The following VAX1 variants were observed in gnomAD, a reference collection of about 807,000 sequenced individuals.
VAX1 encodes the protein ventral anterior homeobox 1.
Under a neutral mutation model 17.6 loss-of-function variants are expected in VAX1, and 6 were observed. The ratio of observed to expected loss-of-function variants is 0.34; its 90% CI spans 0.19 to 0.67. VAX1 has a LOEUF of 0.67. VAX1 is among the 30% of genes least tolerant of loss of function. The probability of loss-of-function intolerance (pLI) is 0.69; values close to 1 mark genes in which losing one functional copy is unlikely to be tolerated. For synonymous variants in VAX1, 256 were observed against 227.4 expected (o/e 1.13, Z -1.13); for missense variants, 408 against 463.7 (o/e 0.88, Z 1.10).
Position 117,134,313 on chromosome 10 carries a change from G to T in VAX1, c.700C>A (p.Pro234Thr). ...GSAAAAAAAA[P>T]GPAGAASPHP... ...GGGGATGCAGCGCCCGCTGGGCCCGGGGCGGCGGCGGCGGCTGCGGCGGCC... is the reference window on the plus strand; with the variant it reads ...GGGGATGCAGCGCCCGCTGGGCCCGTGGCGGCGGCGGCGGCTGCGGCGGCC... The change falls in exon 3 of 3, where the codon CCG (proline) becomes ACG (threonine). Residue 234 changes from proline (P) to threonine (T), a missense_variant. Physicochemically the swap from Pro to Thr is conservative, Grantham distance 38. Coordinates refer to ENST00000369206, the MANE Select transcript of VAX1 (RefSeq NM_001112704.2). The surrounding 1 kb of genome is among the most constrained non-coding windows in gnomAD (Gnocchi z 6.2). 1 of 1,071,512 alleles carries T rather than the reference G, an allele frequency of 9.3e-7. No homozygotes were observed. Among genetic ancestry groups the T allele is most frequent in the South Asian group, 4.4e-5 (1 of 22,928 alleles). 66.4% of individuals were successfully genotyped at this position (1,071,512 alleles called of 1,614,324 possible).
In VAX1 at chr10:117,136,425, G is replaced by A. The variant is rs898370903; in HGVS notation, c.429+47C>T. ...AAGAGCAGGCTAGGTAGGGGTGGTG[G>A]GGAGGAAGGCTGGTGCAGAACTGTG... is the stretch of plus-strand genomic sequence containing the variant. On this transcript the variant is annotated intron_variant, in intron 2 of 2. Coordinates refer to ENST00000369206, the MANE Select transcript of VAX1 (RefSeq NM_001112704.2). This position sits in a 1 kb window ranked among gnomAD's most constrained non-coding sequence, Gnocchi z 5.0. 4.4e-6 allele frequency: 7 copies of A among 1,606,074 alleles called. No individual in the cohort carries two copies. Among genetic ancestry groups the A allele is most frequent in the Admixed American group, 3.4e-5 (2 of 59,698 alleles).
chr10:117,133,853 A>G lies in VAX1; in HGVS notation c.*155T>C. On this transcript the variant is annotated 3_prime_UTR_variant, in exon 3 of 3. Transcript: ENST00000369206. ...AAAAAAAAATAGCCCGAATGAGATG[A>G]AATTGGTAGCAGAGTCTAGTGGGAA... 7.4e-7 allele frequency: 1 copy of G among 1,342,468 alleles called. No individual in the cohort carries two copies. The highest frequency in any genetic ancestry group is 9.5e-7 in the Non-Finnish European group (1 of 1,053,686). The allele number at this position is 1,342,468 out of a possible 1,614,324, so 83.2% of individuals were successfully genotyped here.
intron 2 of VAX1, among the ~76,000 whole-genome samples, chr10:117,135,716 C>T (rs1311342195): frequency 6.6e-6 from 1 of 152,218 alleles, no homozygotes; most frequent in African/African-American, 2.4e-5. Context: ...GTTCTTGGGT[C>T]CTCTCCTGGG....
downstream of VAX1, chr10:117,129,799 G>A (rs557195225): frequency 1.2e-4 from 19 of 152,126 alleles, 1 homozygote; most frequent in African/African-American, 4.1e-4. Context: ...AAGAGTGTAA[G>A]GGGTTTAAAG....
chr10:117,135,252 T>G (rs1471503596), intron 2 of VAX1, among the ~76,000 whole-genome samples: 3 of 152,246 alleles, frequency 2.0e-5, no homozygotes, highest in African/African-American at 7.2e-5. Context: ...GACCGAGATT[T>G]CTGCACCTCT....
Position 117,137,683 on chromosome 10 carries a change from CG to C in VAX1, c.241+132del. ...CGCTTGTCCCCAGCCGGACTCGGGGCGGGGAGGGCCAACAACTTTCTCCCAA... is the reference window on the plus strand; with the variant it reads ...CGCTTGTCCCCAGCCGGACTCGGGGCGGGAGGGCCAACAACTTTCTCCCAA... On this transcript the variant is annotated intron_variant, in intron 1 of 2. Coordinates refer to ENST00000369206, the MANE Select transcript of VAX1 (RefSeq NM_001112704.2). This position sits in a 1 kb window ranked among gnomAD's most constrained non-coding sequence, Gnocchi z 7.4. 6.4e-7 allele frequency: 1 copy of C among 1,553,740 alleles called. No individual in the cohort carries two copies. The highest frequency in any genetic ancestry group is 8.6e-7 in the Non-Finnish European group (1 of 1,160,230).
Position 117,136,443 on chromosome 10 carries a change from G to C in VAX1, c.429+29C>G. Reference sequence around the variant, plus strand: ...GGTGGTGGGGAGGAAGGCTGGTGCAGAACTGTGTGCGGCCTGGTCGCCGGG... The same window carrying C: ...GGTGGTGGGGAGGAAGGCTGGTGCACAACTGTGTGCGGCCTGGTCGCCGGG... On this transcript the variant is annotated intron_variant, in intron 2 of 2. Transcript: ENST00000369206. This position sits in a 1 kb window ranked among gnomAD's most constrained non-coding sequence, Gnocchi z 5.0. The C allele has an allele frequency of 6.2e-7, 1 of 1,611,144 alleles. No homozygotes were observed. Among genetic ancestry groups the C allele is most frequent in the South Asian group, 1.1e-5 (1 of 90,962 alleles).
chr10:117,136,687 G>T lies in VAX1; in HGVS notation c.242-28C>A. 1 of 1,593,352 alleles carries T rather than the reference G, an allele frequency of 6.3e-7. No homozygotes were observed. Among genetic ancestry groups the T allele is most frequent in the South Asian group, 1.1e-5 (1 of 89,890 alleles). ...GGGGAAGGGGAGATGTCAGCCGCCA[G>T]AACCCTCCCGTCCCCCTCCACCTCC... On this transcript the variant is annotated intron_variant, in intron 1 of 2. Transcript: ENST00000369206. This position sits in a 1 kb window ranked among gnomAD's most constrained non-coding sequence, Gnocchi z 5.0.
Position 117,136,054 on chromosome 10 carries a change from G to C in VAX1, c.429+418C>G, listed in dbSNP as rs1490796165. On this transcript the variant is annotated intron_variant, in intron 2 of 2. Coordinates refer to ENST00000369206, the MANE Select transcript of VAX1 (RefSeq NM_001112704.2). The surrounding 1 kb of genome is among the most constrained non-coding windows in gnomAD (Gnocchi z 5.0). ...AGCCTCACTCCTGTAGAATGGGCCTGGACGCTGAGTACAGCTGGGTGGGCC... is the reference window on the plus strand; with the variant it reads ...AGCCTCACTCCTGTAGAATGGGCCTCGACGCTGAGTACAGCTGGGTGGGCC... 6.6e-6 allele frequency among the ~76,000 whole-genome samples: 1 copy of C among 152,254 alleles called. No homozygotes were observed. Among genetic ancestry groups the C allele is most frequent in the Non-Finnish European group, 1.5e-5 (1 of 68,052 alleles).
At position 117,138,109 on chromosome 10, in the gene VAX1, AAGGGGG is replaced by A. The variant is rs1304987628; in HGVS notation, c.-59_-54del. On this transcript the variant is annotated 5_prime_UTR_variant, in exon 1 of 3. Coordinates refer to ENST00000369206, the MANE Select transcript of VAX1 (RefSeq NM_001112704.2). ...GGAAAAAAAAAGCAAAAAAAAAAAA[AAGGGGG>A]GGGGGCGGAGAAGGAAAAAAAAAAG... is the stretch of plus-strand genomic sequence containing the variant. 1 of 171,028 alleles carries A rather than the reference AAGGGGG, an allele frequency of 5.8e-6. No homozygotes were observed. The highest frequency in any genetic ancestry group is 9.9e-6 in the Non-Finnish European group (1 of 100,688). 10.6% of individuals were successfully genotyped at this position (171,028 alleles called of 1,614,324 possible). A position where few individuals can be genotyped will look rare whatever the true frequency, so the allele number is the denominator to read the frequency against.
At position 117,136,364 on chromosome 10, in the gene VAX1, C is replaced by G. The variant is rs1315824288; in HGVS notation, c.429+108G>C. 21 of 1,388,724 alleles carry G rather than the reference C, an allele frequency of 1.5e-5. No homozygotes were observed. In the Middle Eastern group the frequency reaches 1.0e-3, roughly 68 times the overall value. 86.0% of individuals were successfully genotyped at this position (1,388,724 alleles called of 1,614,324 possible). A position where few individuals can be genotyped will look rare whatever the true frequency, so the allele number is the denominator to read the frequency against. The stretch of plus-strand genomic sequence containing the variant: ...CCATCCTTCCCATCTCCTCCACCTC[C>G]CAAGGGTAGTTCTGTCCAGAGCAGG... On this transcript the variant is annotated intron_variant, in intron 2 of 2. Coordinates refer to ENST00000369206, the MANE Select transcript of VAX1 (RefSeq NM_001112704.2). The surrounding 1 kb of genome is among the most constrained non-coding windows in gnomAD (Gnocchi z 5.0).
chr10:117,134,982 G>C lies in VAX1; in HGVS notation c.430-399C>G, dbSNP rs929579260. On this transcript the variant is annotated intron_variant, in intron 2 of 2. Transcript: ENST00000369206. The surrounding 1 kb of genome is among the most constrained non-coding windows in gnomAD (Gnocchi z 6.2). ...TCCCAAAGCCGGAATTTCCGGTGGA[G>C]GGTGTGAGGCCCTAGGGTGCGGGTG... Among the ~76,000 whole-genome samples, 2 of 152,252 alleles carry C rather than the reference G, an allele frequency of 1.3e-5. No homozygotes were observed. The highest frequency in any genetic ancestry group is 1.3e-4 in the Admixed American group (2 of 15,292).
intron 2 of VAX1, among the ~76,000 whole-genome samples, chr10:117,135,026 G>A (rs1248780518): frequency 6.6e-6 from 1 of 152,204 alleles, no homozygotes; most frequent in African/African-American, 2.4e-5. Flanking sequence ...GAAGAGGGAA[G>A]AAGGAAGAGG....
Position 117,136,407 on chromosome 10 carries a change from G to T in VAX1, c.429+65C>A. Reference sequence around the variant, plus strand: ...AGAGCAGGTTAGGAGGTGAAGAGCAGGCTAGGTAGGGGTGGTGGGGAGGAA... The same window carrying T: ...AGAGCAGGTTAGGAGGTGAAGAGCATGCTAGGTAGGGGTGGTGGGGAGGAA... On this transcript the variant is annotated intron_variant, in intron 2 of 2. Transcript: ENST00000369206. The surrounding 1 kb of genome is among the most constrained non-coding windows in gnomAD (Gnocchi z 5.0). The T allele has an allele frequency of 6.3e-7, 1 of 1,594,254 alleles. No individual in the cohort carries two copies.
chr10:117,137,187 G>A lies in VAX1; in HGVS notation c.242-528C>T, dbSNP rs1397518145. On this transcript the variant is annotated intron_variant, in intron 1 of 2. Coordinates refer to ENST00000369206, the MANE Select transcript of VAX1 (RefSeq NM_001112704.2). This position sits in a 1 kb window ranked among gnomAD's most constrained non-coding sequence, Gnocchi z 7.4. ...GCTGGCTGGGGCGGCGCCGGGCCGG[G>A]GCCCGGCCTCGCAGCCTCCGCCGCC... is the stretch of plus-strand genomic sequence containing the variant. Among the ~76,000 whole-genome samples, 1 of 151,990 alleles carries A rather than the reference G, an allele frequency of 6.6e-6. No homozygotes were observed. The highest frequency in any genetic ancestry group is 1.5e-5 in the Non-Finnish European group (1 of 67,954).
Position 117,137,717 on chromosome 10 carries a change from C to T in VAX1, c.241+99G>A. The T allele has an allele frequency of 6.3e-7, 1 of 1,592,892 alleles. No homozygotes were observed. On this transcript the variant is annotated intron_variant, in intron 1 of 2. Transcript: ENST00000369206. This position sits in a 1 kb window ranked among gnomAD's most constrained non-coding sequence, Gnocchi z 7.4. ...CCAACAACTTTCTCCCAAGTCCCAG[C>T]CGGCACTCCTTCCCACCGGCCTGTG... is the stretch of plus-strand genomic sequence containing the variant.
chr10:117,136,520 G>A lies in VAX1; in HGVS notation c.381C>T (p.Gly127=), dbSNP rs900604417. 6.2e-7 allele frequency: 1 copy of A among 1,613,728 alleles called. No individual in the cohort carries two copies. Among genetic ancestry groups the A allele is most frequent in the Non-Finnish European group, 8.5e-7 (1 of 1,180,008 alleles). Residue 127 remains glycine (G), a synonymous_variant, in exon 2 of 3, where the codon GGC becomes GGT. Coordinates refer to ENST00000369206, the MANE Select transcript of VAX1 (RefSeq NM_001112704.2). The surrounding 1 kb of genome is among the most constrained non-coding windows in gnomAD (Gnocchi z 5.0). ...MEFQRCQYVV[G]RERTELARQL... is the part of the protein sequence containing the mutation. Reference sequence around the variant, plus strand: ...GCCGGGCGAGCTCGGTCCTCTCGCGGCCCACCACGTACTGGCAGCGCTGGA... The same window carrying A: ...GCCGGGCGAGCTCGGTCCTCTCGCGACCCACCACGTACTGGCAGCGCTGGA...
At position 117,133,810 on chromosome 10, in the gene VAX1, C is replaced by T; in HGVS notation, c.*198G>A. On this transcript the variant is annotated 3_prime_UTR_variant, in exon 3 of 3. Transcript: ENST00000369206. ...GAAGTTGGGGGTTGGGGAGGAATCTCAGAGGAAAGGTAGTAGAAAAAAAAA... is the reference window on the plus strand; with the variant it reads ...GAAGTTGGGGGTTGGGGAGGAATCTTAGAGGAAAGGTAGTAGAAAAAAAAA... 1 of 1,324,178 alleles carries T rather than the reference C, an allele frequency of 7.6e-7. No individual in the cohort carries two copies. Among genetic ancestry groups the T allele is most frequent in the Non-Finnish European group, 9.6e-7 (1 of 1,046,350 alleles). 82.0% of individuals were successfully genotyped at this position (1,324,178 alleles called of 1,614,324 possible).
chr10:117,132,675 T>C (rs1213749748), downstream of VAX1, among the ~76,000 whole-genome samples: 7 of 152,156 alleles, frequency 4.6e-5, no homozygotes, highest in African/African-American at 1.7e-4. This position sits in a 1 kb window ranked among gnomAD's most constrained non-coding sequence, Gnocchi z 4.9. Flanking sequence ...CGATCGCCGC[T>C]GCGCAGGGTA....
Sources: gnomAD v4.1 joint callset for allele counts (sites outside exome capture counted in the v4.1 genomes callset) on GRCh38, gnomAD v4.1.1 for gene constraint, Gnocchi (gnomAD v3.1) non-coding constraint, MANE v1.5 for transcripts, NCBI Gene and HGNC (gene_info 2026-07-23, HGNC 2026-07-21) for gene names.